GAB4: variants seen among roughly 807,000 people sequenced by gnomAD.
GAB4 encodes GRB2 associated binding protein family member 4.
In GAB4, 26 loss-of-function variants were observed where a neutral mutation model predicts 51.3. The ratio of observed to expected loss-of-function variants is 0.51; its 90% CI spans 0.37 to 0.70. GAB4 has a LOEUF of 0.70. GAB4 is among the 30% of genes least tolerant of loss of function. The pLI, the probability that GAB4 is intolerant of heterozygous loss-of-function variation, is 0.00. For missense variants in GAB4, 759 were observed against 734.6 expected, an observed-to-expected ratio of 1.03 and a Z score of -0.38; for synonymous variants, 329 against 291.2, an observed-to-expected ratio of 1.13 and a Z score of -1.32.
rs2061056330 is a variant in GAB4, at chr22:17,007,978, A to G, written c.137T>C (p.Leu46Pro). 6.3e-7 allele frequency: 1 copy of G among 1,594,000 alleles called. No individual in the cohort carries two copies. Among genetic ancestry groups the G allele is most frequent in the Non-Finnish European group, 8.6e-7 (1 of 1,168,898 alleles). The change falls in exon 1 of 10, where the codon CTG becomes CCG. Residue 46 changes from leucine (L) to proline (P), a missense_variant. Physicochemically the swap from Leu to Pro is moderately conservative, Grantham distance 98. This residue lies in a region of GAB4 where 83 missense variants were observed against 73.1 expected (regional missense o/e 1.14). Coordinates refer to ENST00000400588, the MANE Select transcript of GAB4 (RefSeq NM_001037814.1). ...CTTCTTCTCGGGGGGCGACTTCCTC[A>G]GCCAGCCGCTGTACAGCACGTGGCC... ...RSGHVLYSGW[L>P]RKSPPEKKLR...
chr22:16,998,446 T>C (rs2060968331), intron 1 of GAB4, among the ~76,000 whole-genome samples: 1 of 152,210 alleles, frequency 6.6e-6, no homozygotes, highest in Non-Finnish European at 1.5e-5. Flanking sequence ...GCTCTCTGTT[T>C]GTCTGTTATT....
intron 3 of GAB4, among the ~76,000 whole-genome samples, chr22:16,976,795 C>A (rs1348901341): frequency 1.3e-5 from 2 of 152,174 alleles, no homozygotes; most frequent in African/African-American, 2.4e-5. Flanking sequence ...CCACAAAGGG[C>A]AGCCCATCAG....
chr22:17,000,270 G>C (rs1451841175), intron 1 of GAB4, among the ~76,000 whole-genome samples: 1 of 152,156 alleles, frequency 6.6e-6, no homozygotes, highest in Non-Finnish European at 1.5e-5. Flanking sequence ...TATTGTGTGG[G>C]AGTCTAAGTC....
chr22:16,974,503 A>T (rs1441304519), intron 3 of GAB4, among the ~76,000 whole-genome samples: 1 of 152,184 alleles, frequency 6.6e-6, no homozygotes, highest in East Asian at 1.9e-4. Context: ...AGCGCAGTGC[A>T]CCTGCCCTCC....
At chr22:16,972,255 G>A (rs1162604700) in intron 3 of GAB4, among the ~76,000 whole-genome samples, 1 of 152,214 alleles carries the variant, frequency 6.6e-6, no homozygotes, top group African/African-American at 2.4e-5. Flanking sequence ...TGAGCACACG[G>A]CTGCAGACAG....
At chr22:16,964,667 G>T in intron 8 of GAB4, 99 bp downstream of exon 8, 1 of 774,098 alleles carries the variant, frequency 1.3e-6, no homozygotes. Flanking sequence ...GACTGGGCTG[G>T]GGTGAGTCAG....
intron 1 of GAB4, among the ~76,000 whole-genome samples, chr22:16,994,302 C>T (rs1254903721): frequency 2.0e-5 from 3 of 152,168 alleles, no homozygotes; most frequent in Non-Finnish European, 4.4e-5. Context: ...ACTTAATCTC[C>T]CAGCATAAAC....
At chr22:17,000,688 T>C (rs1207684659) in intron 1 of GAB4, among the ~76,000 whole-genome samples, 2 of 152,170 alleles carry the variant, frequency 1.3e-5, no homozygotes, top group African/African-American at 2.4e-5. Flanking sequence ...ATTATGATGT[T>C]AGCTGGTTAT....
At chr22:16,973,764 C>T (rs1433636308) in intron 3 of GAB4, among the ~76,000 whole-genome samples, 2 of 151,704 alleles carry the variant, frequency 1.3e-5, no homozygotes, top group African/African-American at 4.8e-5. Flanking sequence ...CAGTGTGAGT[C>T]TCCCCACTCC....
At chr22:16,992,326 T>G in intron 1 of GAB4, 150 bp from the exon 2 acceptor site, 1 of 648,342 alleles carries the variant, frequency 1.5e-6, no homozygotes, top group Non-Finnish European at 2.7e-6. Context: ...AGGTGGAGAG[T>G]GACTTTGAAT....
intron 1 of GAB4, among the ~76,000 whole-genome samples, chr22:16,997,059 T>C (rs780026970): frequency 6.6e-6 from 1 of 151,884 alleles, no homozygotes; most frequent in Non-Finnish European, 1.5e-5. Flanking sequence ...TCCAGTCTGG[T>C]TGGTTCCAAG....
chr22:16,975,541 TG>T (rs2123669600), intron 3 of GAB4, among the ~76,000 whole-genome samples: 1 of 152,298 alleles, frequency 6.6e-6, no homozygotes, highest in East Asian at 1.9e-4. Context: ...CCCATCTGCC[TG>T]GGACAGAGCA....
At chr22:16,985,690 T>A (rs1383826273) in intron 3 of GAB4, among the ~76,000 whole-genome samples, 1 of 152,178 alleles carries the variant, frequency 6.6e-6, no homozygotes, top group Non-Finnish European at 1.5e-5. Context: ...TCTCACTCCC[T>A]CATCCACACA....
At chr22:16,992,655 A>G (rs2060923154) in intron 1 of GAB4, among the ~76,000 whole-genome samples, 2 of 152,224 alleles carry the variant, frequency 1.3e-5, no homozygotes, top group African/African-American at 4.8e-5. Flanking sequence ...TTTTTACCAT[A>G]TCATGATGCT....
Position 16,968,348 on chromosome 22 carries a change from T to G in GAB4, c.973A>C (p.Asn325His). The change falls in exon 5 of 10, where the codon AAT becomes CAT. Residue 325 changes from asparagine (N) to histidine (H), a missense_variant. Transcript: ENST00000400588. Reference sequence around the variant, plus strand: ...ATGGACTCAGCAGGCCGGCTGGCATTCCCTCCACCATGCTGGGTGTACTTG... The same window carrying G: ...ATGGACTCAGCAGGCCGGCTGGCATGCCCTCCACCATGCTGGGTGTACTTG... ...SGKYTQHGGG[N>H]ASRPAESMHE... 5 of 1,614,026 alleles carry G rather than the reference T, an allele frequency of 3.1e-6. No individual in the cohort carries two copies. The highest frequency in any genetic ancestry group is 4.2e-6 in the Non-Finnish European group (5 of 1,179,946).
rs755831710 is a variant in GAB4 at position 16,963,740 on chromosome 22, G to A, written c.1566C>T (p.Asp522=). 6.2e-7 allele frequency: 1 copy of A among 1,613,454 alleles called. No individual in the cohort carries two copies. The highest frequency in any genetic ancestry group is 1.1e-5 in the South Asian group (1 of 91,056). ...STGNIHYAAL[D]FQPSKPSIGS... Reference sequence around the variant, plus strand: ...CCCCAGGCACCTTGCTCGGCTGGAAGTCCAGGGCCGCGTAGTGGATGTTAC... The same window carrying A: ...CCCCAGGCACCTTGCTCGGCTGGAAATCCAGGGCCGCGTAGTGGATGTTAC... The change falls in exon 9 of 10, where the codon GAC becomes GAT. Residue 522 remains aspartate, a synonymous_variant. Coordinates refer to ENST00000400588, the MANE Select transcript of GAB4 (RefSeq NM_001037814.1).
intron 3 of GAB4, among the ~76,000 whole-genome samples, chr22:16,981,740 G>T (rs1008403245): frequency 3.3e-5 from 5 of 152,070 alleles, no homozygotes; most frequent in Non-Finnish European, 5.9e-5. Context: ...TGTTGAGGAG[G>T]ATGGAATACT....
chr22:16,968,049 C>T (rs1327246861), intron 5 of GAB4, among the ~76,000 whole-genome samples: 1 of 152,220 alleles, frequency 6.6e-6, no homozygotes, highest in East Asian at 1.9e-4. Flanking sequence ...ATTCTGCACC[C>T]TCTGCTACCC....
chr22:16,973,237 T>C (rs926031852), intron 3 of GAB4, among the ~76,000 whole-genome samples: 3 of 152,246 alleles, frequency 2.0e-5, no homozygotes, highest in African/African-American at 7.2e-5. Context: ...CACCAGACTA[T>C]GATTTCCCTG....
Sources: gnomAD v4.1 joint callset for allele counts (sites outside exome capture counted in the v4.1 genomes callset) on GRCh38, gnomAD v4.1.1 for gene constraint, gnomAD v4.1.1 regional missense constraint, MANE v1.5 for transcripts, NCBI Gene and HGNC (gene_info 2026-07-23, HGNC 2026-07-21) for gene names.